The following CAPN15 variants were observed in gnomAD, a reference collection of about 807,000 sequenced individuals.
The protein encoded by CAPN15 is calpain-15.
CAPN15 carries 53 observed loss-of-function variants against 97.9 expected under a neutral mutation model. The observed-to-expected ratio is 0.54, with a 90% confidence interval of 0.43 to 0.68. The LOEUF (loss-of-function observed/expected upper bound fraction) is 0.68. CAPN15 is among the 30% of genes least tolerant of loss of function. The pLI, the probability that CAPN15 is intolerant of heterozygous loss-of-function variation, is 0.00. For missense variants in CAPN15, 1,592 were observed against 1,589.8 expected (o/e 1.00, Z -0.02); for synonymous variants, 922 against 722.5 (o/e 1.28, Z -4.43).
intron 4 of CAPN15, among the ~76,000 whole-genome samples, 153 bp from the exon 5 acceptor site, chr16:548,838 CAG>C (rs1402287463): frequency 2.0e-5 from 3 of 152,206 alleles, no homozygotes; most frequent in Non-Finnish European, 4.4e-5. Flanking sequence ...TTCCTCGACA[CAG>C]GGCCGGCGCC....
At chr16:531,742 G>GCC (rs1444834766) in intron 1 of CAPN15, among the ~76,000 whole-genome samples, 5 of 149,658 alleles carry the variant, frequency 3.3e-5, no homozygotes, top group East Asian at 2.0e-4. Context: ...GATGACAGGT[G>GCC]CCCAGGGCCA....
rs1312058279 is a variant in CAPN15 at position 552,228 on chromosome 16, C to T, written c.2507+16C>T. 8.5e-6 allele frequency: 13 copies of T among 1,531,014 alleles called. No homozygotes were observed. The highest frequency in any genetic ancestry group is 1.1e-5 in the Non-Finnish European group (13 of 1,137,332). 94.8% of individuals were successfully genotyped at this position (1,531,014 alleles called of 1,614,324 possible). ...AGGGCAGCAGGTGGGTGCTGCGGGG[C>T]CCCATCGGGCTGGGCTGGGCTAGGC... On this transcript the variant is annotated intron_variant, in intron 10 of 13. Transcript: ENST00000219611. This position sits in a 1 kb window ranked among gnomAD's most constrained non-coding sequence, Gnocchi z 6.4.
At chr16:534,180 G>A in intron 2 of CAPN15, among the ~76,000 whole-genome samples, 182 bp downstream of exon 2, 1 of 152,280 alleles carries the variant, frequency 6.6e-6, no homozygotes, top group Admixed American at 6.5e-5. Flanking sequence ...CAGCCGTTTG[G>A]GCCGTGGTCC....
Position 537,214 on chromosome 16 carries a change from A to C in CAPN15, c.-23+1072A>C, listed in dbSNP as rs1277223943. On this transcript the variant is annotated intron_variant, in intron 3 of 13. Transcript: ENST00000219611. ...CCTAGGACAGGCCTCCCTCCTGTCCAGATGGGGCCCACAGGGTCAGTTGCC... is the reference window on the plus strand; with the variant it reads ...CCTAGGACAGGCCTCCCTCCTGTCCCGATGGGGCCCACAGGGTCAGTTGCC... 3 of 985,400 alleles carry C rather than the reference A, an allele frequency of 3.0e-6. No individual in the cohort carries two copies. The East Asian group carries it at 3.4e-4, about 112-fold the overall frequency. 61.0% of individuals were successfully genotyped at this position (985,400 alleles called of 1,614,324 possible).
chr16:551,859 C>G (rs758248056), intron 9 of CAPN15, 192 bp from the exon 10 acceptor site: 1 of 975,420 alleles, frequency 1.0e-6, no homozygotes, highest in South Asian at 1.4e-5. Flanking sequence ...ATTCCAGCGC[C>G]CTGAAGAGCC....
At chr16:537,140 C>T (rs1596326337) in intron 3 of CAPN15, 2 of 985,524 alleles carry the variant, frequency 2.0e-6, no homozygotes, top group African/African-American at 1.7e-5. Context: ...GCAGGGTCCT[C>T]TCTTCTCTTC....
chr16:548,805 G>A (rs545945336), intron 4 of CAPN15, among the ~76,000 whole-genome samples, 188 bp from the exon 5 acceptor site: 268 of 152,370 alleles, frequency 1.8e-3, no homozygotes, highest in African/African-American at 5.8e-3. Flanking sequence ...CCAGCCGGTG[G>A]CCTCTCCACT....
intron 1 of CAPN15, among the ~76,000 whole-genome samples, chr16:530,560 G>A (rs2033178206): frequency 6.6e-6 from 1 of 152,208 alleles, no homozygotes; most frequent in Non-Finnish European, 1.5e-5. Context: ...GCTGTGGGTT[G>A]GGGCTGGACC....
rs1052763072 is a variant in CAPN15 at position 554,176 on chromosome 16, G to A, written c.*660G>A. ...TGGGTGGGCACCAGTTCTCAGCACC[G>A]CTCACTGCTGCCGGGCACACTGGGA... On this transcript the variant is annotated 3_prime_UTR_variant, in exon 14 of 14. Coordinates refer to ENST00000219611, the MANE Select transcript of CAPN15 (RefSeq NM_005632.3). 11 of 276,418 alleles carry A rather than the reference G, an allele frequency of 4.0e-5. No homozygotes were observed. The highest frequency in any genetic ancestry group is 1.1e-4 in the African/African-American group (5 of 45,536). The allele number at this position is 276,418 out of a possible 1,614,324, so 17.1% of individuals were successfully genotyped here.
In CAPN15 at chr16:554,122, CTGGG is replaced by C. The variant is rs2035290582; in HGVS notation, c.*609_*612del. The C allele has an allele frequency of 4.9e-6, 1 of 204,040 alleles. No individual in the cohort carries two copies. Among genetic ancestry groups the C allele is most frequent in the African/African-American group, 2.3e-5 (1 of 43,080 alleles). 12.6% of individuals were successfully genotyped at this position (204,040 alleles called of 1,614,324 possible). On this transcript the variant is annotated 3_prime_UTR_variant, in exon 14 of 14. Transcript: ENST00000219611. ...GTGCCCGCCAGGATCGAAGCCATGA[CTGGG>C]TGCAGGCGGGCGCCAGGCCCGCTGT...
chr16:528,629 T>TG (rs2033023905), intron 1 of CAPN15: 1 of 714,256 alleles, frequency 1.4e-6, no homozygotes, highest in Non-Finnish European at 1.7e-6. Context: ...CCTCTAGTCC[T>TG]GACCGGGGGA....
Position 552,355 on chromosome 16 carries a change from G to T in CAPN15, c.2562G>T (p.Arg854=). 1 of 1,597,048 alleles carries T rather than the reference G, an allele frequency of 6.3e-7. No homozygotes were observed. Among genetic ancestry groups the T allele is most frequent in the East Asian group, 2.3e-5 (1 of 44,324 alleles). The part of the protein sequence containing the change: ...HLLDLCILVF[R]ATFGSGGHLS... ...TGGACCTGTGCATCCTGGTGTTCCG[G>T]GCCACGTTCGGCAGCGGCGGCCACC... The change falls in exon 11 of 14, where the codon CGG becomes CGT. Residue 854 remains arginine (R), a synonymous_variant. Coordinates refer to ENST00000219611, the MANE Select transcript of CAPN15 (RefSeq NM_005632.3). This position sits in a 1 kb window ranked among gnomAD's most constrained non-coding sequence, Gnocchi z 6.4.
intron 3 of CAPN15, among the ~76,000 whole-genome samples, chr16:540,729 C>T (rs914758060): frequency 9.2e-5 from 14 of 152,218 alleles, no homozygotes; most frequent in Non-Finnish European, 1.8e-4. Flanking sequence ...AAGCTGCCAG[C>T]ACTCGCTGGG....
chr16:547,372 T>C lies in CAPN15; in HGVS notation c.534T>C (p.Pro178=). ...GCAGGCTCTCGCTGCCACGGATCCC[T>C]CCTGAGGCCCTGGTGGTCCCGGAAG... ...GPRRLSLPRI[P]PEALVVPEVV... is the part of the protein sequence containing the mutation. The change falls in exon 4 of 14, where the codon CCT becomes CCC. Residue 178 remains proline, a synonymous_variant. Transcript: ENST00000219611. The C allele has an allele frequency of 1.9e-6, 3 of 1,554,804 alleles. No homozygotes were observed. Among genetic ancestry groups the C allele is most frequent in the South Asian group, 1.2e-5 (1 of 86,298 alleles).
Position 547,220 on chromosome 16 carries a change from GAGGAGGAGA to G in CAPN15, c.391_399del (p.Lys131_Glu133del). On this transcript the variant is annotated inframe_deletion, in exon 4 of 14. Coordinates refer to ENST00000219611, the MANE Select transcript of CAPN15 (RefSeq NM_005632.3). Reference sequence around the variant, plus strand: ...CAGGGGGCAGTGCGAGGACAAGGACGAGGAGGAGAAGGAGGAGCAGGAGGAGGAGGAGGG... The same window carrying G: ...CAGGGGGCAGTGCGAGGACAAGGACGAGGAGGAGCAGGAGGAGGAGGAGGG... 4 of 1,526,596 alleles carry G rather than the reference GAGGAGGAGA, an allele frequency of 2.6e-6. No homozygotes were observed. The highest frequency in any genetic ancestry group is 1.2e-5 in the South Asian group (1 of 80,460). 94.6% of individuals were successfully genotyped at this position (1,526,596 alleles called of 1,614,324 possible). A position where few individuals can be genotyped will look rare whatever the true frequency, so the allele number is the denominator to read the frequency against.
At chr16:540,254 C>T (rs746184354) in intron 3 of CAPN15, 274 of 985,452 alleles carry the variant, frequency 2.8e-4, no homozygotes, top group African/African-American at 8.9e-4. Flanking sequence ...CCCGGGGGAC[C>T]GCCCTACCCG....
In CAPN15 at chr16:552,461, G is replaced by A. The variant is rs750021213; in HGVS notation, c.2668G>A (p.Glu890Lys). 4.3e-5 allele frequency: 69 copies of A among 1,609,598 alleles called. No individual in the cohort carries two copies. Among genetic ancestry groups the A allele is most frequent in the Admixed American group, 8.3e-5 (5 of 59,958 alleles). Residue 890 changes from glutamate to lysine, a missense_variant, in exon 11 of 14, where the codon GAG becomes AAG. Glu to Lys is a moderately conservative substitution (Grantham distance 56, BLOSUM62 1). This residue lies in a region of CAPN15 where 644 missense variants were observed against 699.6 expected (regional missense o/e 0.92). Transcript: ENST00000219611. This position sits in a 1 kb window ranked among gnomAD's most constrained non-coding sequence, Gnocchi z 6.4. ...CTGCGACGTCATGCTGGAGCCTGGC[G>A]AGTACGCTGTGGTGTGCTGCGCCTT... ...VSCDVMLEPG[E>K]YAVVCCAFNH... is the part of the protein sequence containing the mutation.
rs753579739 is a variant in CAPN15 at position 549,719 on chromosome 16, C to G, written c.1947C>G (p.Ala649=). ...CGGGCCGCGCCATCGAAGGCCTGGC[C>G]ACGCTCACCGGCGCCCCCTGTGAGA... is the stretch of plus-strand genomic sequence containing the variant. ...LQAGRAIEGL[A]TLTGAPCESL... Residue 649 remains alanine, a synonymous_variant, in exon 7 of 14, where the codon GCC becomes GCG. Coordinates refer to ENST00000219611, the MANE Select transcript of CAPN15 (RefSeq NM_005632.3). 3 of 1,575,134 alleles carry G rather than the reference C, an allele frequency of 1.9e-6. No homozygotes were observed. In the East Asian group the frequency reaches 7.1e-5, roughly 37 times the overall value.
chr16:545,853 G>T (rs998701596), intron 3 of CAPN15, among the ~76,000 whole-genome samples: 2 of 152,220 alleles, frequency 1.3e-5, no homozygotes, highest in Non-Finnish European at 2.9e-5. Flanking sequence ...CAGGCCGGAC[G>T]CCTGGGCTGT....
Sources: gnomAD v4.1 joint callset for allele counts (sites outside exome capture counted in the v4.1 genomes callset) on GRCh38, gnomAD v4.1.1 for gene constraint, gnomAD v4.1.1 regional missense constraint, Gnocchi (gnomAD v3.1) non-coding constraint, MANE v1.5 for transcripts, NCBI Gene and HGNC (gene_info 2026-07-23, HGNC 2026-07-21) for gene names.